Variants in UBE2E2 observed in about 807,000 individuals in gnomAD.
UBE2E2 encodes ubiquitin conjugating enzyme E2 E2.
A neutral mutation model predicts 24.7 loss-of-function variants in UBE2E2; 6 were observed. That is an observed-to-expected ratio of 0.24 (90% CI 0.13 to 0.48). UBE2E2 has a LOEUF of 0.48. UBE2E2 is among the 20% of genes least tolerant of loss of function. The pLI, the probability that UBE2E2 is intolerant of heterozygous loss-of-function variation, is 0.99. For missense variants in UBE2E2, 169 were observed against 245.0 expected (o/e 0.69, Z 2.07); for synonymous variants, 104 against 83.6 (o/e 1.24, Z -1.33).
intron 3 of UBE2E2, among the ~76,000 whole-genome samples, chr3:23,361,751 A>T (rs956538914): frequency 3.3e-5 from 5 of 152,162 alleles, no homozygotes; most frequent in African/African-American, 1.2e-4. Flanking sequence ...AAATCTCAGA[A>T]ATCACCACTA....
At chr3:23,571,123 T>A (rs1696209682) in intron 5 of UBE2E2, among the ~76,000 whole-genome samples, 1 of 151,682 alleles carries the variant, frequency 6.6e-6, no homozygotes. Context: ...AGTGATGAGT[T>A]TTTAAGTATT....
In UBE2E2 at chr3:23,348,109, G is replaced by A. The variant is rs138420161; in HGVS notation, c.227+130797G>A. Among the ~76,000 whole-genome samples, 1,214 of 152,236 alleles carry A rather than the reference G, an allele frequency of 8.0e-3. 14 individuals carry two copies. The highest frequency in any genetic ancestry group is 0.028 in the African/African-American group (1,144 of 41,528). On this transcript the variant is annotated intron_variant, in intron 3 of 5. Transcript: ENST00000396703. ...CATCAATCATCGCAAGACGACAATG[G>A]TATGAATAACCAATGTTTACTTCAT...
At chr3:23,249,021 A>G (rs1697498724) in intron 3 of UBE2E2, among the ~76,000 whole-genome samples, 1 of 152,230 alleles carries the variant, frequency 6.6e-6, no homozygotes, top group Non-Finnish European at 1.5e-5. Context: ...CTGTAATTCT[A>G]GCACTTTGAG....
At chr3:23,396,801 ATTC>A (rs537235415) in intron 3 of UBE2E2, among the ~76,000 whole-genome samples, 120 of 152,346 alleles carry the variant, frequency 7.9e-4, no homozygotes, top group African/African-American at 2.6e-3. Flanking sequence ...AAATGTTGTT[ATTC>A]TTCTTAAGAA....
At chr3:23,320,464 CCAT>C (rs1694711156) in intron 3 of UBE2E2, among the ~76,000 whole-genome samples, 1 of 152,214 alleles carries the variant, frequency 6.6e-6, no homozygotes, top group Admixed American at 6.5e-5. Context: ...AGGTGTGCAA[CCAT>C]CATTCTGGAA....
chr3:23,230,131 T>C (rs1349247293), intron 3 of UBE2E2, among the ~76,000 whole-genome samples: 1 of 152,188 alleles, frequency 6.6e-6, no homozygotes, highest in Non-Finnish European at 1.5e-5. Flanking sequence ...CTCTTAAATA[T>C]TGTGGGAGAC....
At chr3:23,404,510 T>C (rs1697311142) in intron 3 of UBE2E2, among the ~76,000 whole-genome samples, 1 of 152,168 alleles carries the variant, frequency 6.6e-6, no homozygotes, top group African/African-American at 2.4e-5. Context: ...TCTGAGTTCA[T>C]TTTTGTTGTT....
chr3:23,465,990 G>A (rs186645066), intron 3 of UBE2E2, among the ~76,000 whole-genome samples: 10 of 152,058 alleles, frequency 6.6e-5, no homozygotes, highest in Admixed American at 5.2e-4. Context: ...TAATTAACAC[G>A]GTTATTGAGG....
At chr3:23,523,065 T>C (rs988879189) in intron 4 of UBE2E2, among the ~76,000 whole-genome samples, 1 of 152,014 alleles carries the variant, frequency 6.6e-6, no homozygotes, top group African/African-American at 2.4e-5. Context: ...ATATGAAATA[T>C]AATGAAAGAA....
intron 3 of UBE2E2, among the ~76,000 whole-genome samples, chr3:23,312,082 G>A (rs1694417891): frequency 6.6e-6 from 1 of 151,884 alleles, no homozygotes; most frequent in East Asian, 1.9e-4. Context: ...AAAGTATGTA[G>A]CACCTCCCTC....
rs1228169561 is a variant in UBE2E2 at position 23,589,813 on chromosome 3, C to T, written c.588C>T (p.Thr196=). 6.2e-7 allele frequency: 1 copy of T among 1,614,196 alleles called. No homozygotes were observed. Among genetic ancestry groups the T allele is most frequent in the East Asian group, 2.2e-5 (1 of 44,892 alleles). The change falls in exon 6 of 6, where the codon ACC becomes ACT. Residue 196 remains threonine, a synonymous_variant. Transcript: ENST00000396703. This position sits in a 1 kb window ranked among gnomAD's most constrained non-coding sequence, Gnocchi z 4.1. ...ATGACCGGATGGCCAGACAGTGGAC[C>T]AAGCGGTACGCCACATAGGGGCCTG... The part of the protein sequence containing the change: ...AEHDRMARQW[T]KRYAT
chr3:23,354,829 C>T (rs148462165), intron 3 of UBE2E2, among the ~76,000 whole-genome samples: 43,640 of 152,088 alleles, frequency 0.29, 6,484 homozygotes, highest in East Asian at 0.36. Context: ...GGCAATTCCT[C>T]AGGGATCTAG....
intron 4 of UBE2E2, among the ~76,000 whole-genome samples, chr3:23,503,206 T>C (rs1694324485): frequency 6.6e-6 from 1 of 152,046 alleles, no homozygotes; most frequent in Non-Finnish European, 1.5e-5. Context: ...GTTTTTGTTT[T>C]TTGAGATAGA....
chr3:23,211,649 G>T (rs1306205689), intron 2 of UBE2E2, among the ~76,000 whole-genome samples: 2 of 152,006 alleles, frequency 1.3e-5, no homozygotes, highest in Non-Finnish European at 2.9e-5. Context: ...TCCTGCCTTG[G>T]TCTCTCAAAG....
At chr3:23,491,526 C>T (rs951862592) in intron 3 of UBE2E2, among the ~76,000 whole-genome samples, 1 of 152,154 alleles carries the variant, frequency 6.6e-6, no homozygotes, top group Non-Finnish European at 1.5e-5. Flanking sequence ...ACCTACAGAA[C>T]ATCTTATGCA....
At chr3:23,302,619 C>G (rs192510515) in intron 3 of UBE2E2, among the ~76,000 whole-genome samples, 1 of 152,146 alleles carries the variant, frequency 6.6e-6, no homozygotes, top group African/African-American at 2.4e-5. Context: ...TAGGCATCAG[C>G]TAATCATCTG....
intron 4 of UBE2E2, among the ~76,000 whole-genome samples, chr3:23,526,897 A>C (rs117858934): frequency 0.029 from 4,398 of 152,286 alleles, 109 homozygotes; most frequent in East Asian, 0.13. Flanking sequence ...ATTCTTTGCA[A>C]ACTCAAATTT....
chr3:23,457,177 G>A (rs1159986129), intron 3 of UBE2E2, among the ~76,000 whole-genome samples: 1 of 152,164 alleles, frequency 6.6e-6, no homozygotes, highest in Non-Finnish European at 1.5e-5. Flanking sequence ...TATATATGCT[G>A]CGTGTATAGA....
intron 5 of UBE2E2, among the ~76,000 whole-genome samples, chr3:23,542,947 A>G (rs1250554268): frequency 1.3e-5 from 2 of 152,130 alleles, no homozygotes; most frequent in Admixed American, 6.5e-5. Context: ...GTCGACATGG[A>G]TTAGCTGTTG....
Sources: gnomAD v4.1 joint callset for allele counts (sites outside exome capture counted in the v4.1 genomes callset) on GRCh38, gnomAD v4.1.1 for gene constraint, Gnocchi (gnomAD v3.1) non-coding constraint, MANE v1.5 for transcripts, NCBI Gene and HGNC (gene_info 2026-07-23, HGNC 2026-07-21) for gene names.